Variants in PIAS4 observed in about 807,000 individuals in gnomAD.
PIAS4 encodes the protein E3 SUMO-protein ligase PIAS4.
PIAS4 carries 7 observed loss-of-function variants against 58.0 expected under a neutral mutation model. The observed-to-expected ratio is 0.12, with a 90% CI of 0.07 to 0.23. The LOEUF (loss-of-function observed/expected upper bound fraction) is 0.23, where lower values mean the gene tolerates loss of function less well. Ranked by LOEUF, PIAS4 falls within the 10% of genes least tolerant of loss-of-function variation. The probability of loss-of-function intolerance (pLI) is 1.00; values close to 1 mark genes in which losing one functional copy is unlikely to be tolerated. For synonymous variants in PIAS4, 364 were observed against 312.4 expected (o/e 1.17, Z -1.74); for missense variants, 550 against 709.5 (o/e 0.78, Z 2.55).
At chr19:4,011,707 T>A (rs1358551136) in intron 1 of PIAS4, among the ~76,000 whole-genome samples, 2,208 of 84,846 alleles carry the variant, frequency 0.026, 70 homozygotes, top group African/African-American at 0.054. Context: ...TGGAGGTGTG[T>A]GGGGTGTGGA....
At position 4,013,053 on chromosome 19, in the gene PIAS4, A is replaced by G. The variant is rs747350292; in HGVS notation, c.158A>G (p.Glu53Gly). Residue 53 changes from glutamate (E) to glycine (G), a missense_variant, in exon 2 of 11, where the codon GAG (glutamate) becomes GGG (glycine). Physicochemically the swap from Glu to Gly is moderately conservative, Grantham distance 98 (BLOSUM62 -2). Transcript: ENST00000262971. The surrounding 1 kb of genome is among the most constrained non-coding windows in gnomAD (Gnocchi z 5.1). ...LQLVQFDCSP[E>G]LFKKIKELYE... Reference sequence around the variant, plus strand: ...CTGGTGCAGTTTGACTGTAGCCCTGAGCTGTTCAAGAAGATCAAGGAGCTG... The same window carrying G: ...CTGGTGCAGTTTGACTGTAGCCCTGGGCTGTTCAAGAAGATCAAGGAGCTG... 7 of 1,613,462 alleles carry G rather than the reference A, an allele frequency of 4.3e-6. No individual in the cohort carries two copies. Among genetic ancestry groups the G allele is most frequent in the Non-Finnish European group, 5.9e-6 (7 of 1,179,960 alleles).
At position 4,037,807 on chromosome 19, in the gene PIAS4, G is replaced by A. The variant is rs772948956; in HGVS notation, c.1465G>A (p.Glu489Lys). Reference protein sequence around the residue: ...EEEEEEEEEDEDEEGPRPKRR... With the variant: ...EEEEEEEEEDKDEEGPRPKRR... The stretch of plus-strand genomic sequence containing the variant: ...GGAGGAGGAAGAGGAGGAGGAAGAC[G>A]AGGACGAAGAGGGGCCCCGGCCCAA... Residue 489 changes from glutamate to lysine, a missense_variant, in exon 11 of 11, where the codon GAG (glutamate) becomes AAG (lysine). Transcript: ENST00000262971. The surrounding 1 kb of genome is among the most constrained non-coding windows in gnomAD (Gnocchi z 5.8). The A allele has an allele frequency of 9.2e-5, 145 of 1,584,154 alleles. No homozygotes were observed. Among genetic ancestry groups the A allele is most frequent in the East Asian group, 2.3e-5 (1 of 43,666 alleles).
rs10540651 is a variant in PIAS4, at chr19:4,036,926, TCACA to T, written c.1143-439_1143-436del. Among the ~76,000 whole-genome samples the T allele has an allele frequency of 6.6e-3, 1,005 of 151,760 alleles. 13 individuals are homozygous for T. Among genetic ancestry groups the T allele is most frequent in the African/African-American group, 0.023 (942 of 41,498 alleles). ...TCCATTCACACGTGTGTACACATGC[TCACA>T]CACACACATTCATAGACTCCACACA... On this transcript the variant is annotated intron_variant, in intron 9 of 10. Coordinates refer to ENST00000262971, the MANE Select transcript of PIAS4 (RefSeq NM_015897.4).
At position 4,028,744 on chromosome 19, in the gene PIAS4, G is replaced by A. The variant is rs753106051; in HGVS notation, c.697G>A (p.Gly233Arg). 5 of 1,612,602 alleles carry A rather than the reference G, an allele frequency of 3.1e-6. No individual in the cohort carries two copies. The highest frequency in any genetic ancestry group is 1.3e-5 in the African/African-American group (1 of 74,988). ...GGGCTACTACCCCTCCAATAAGCCCGGGGTGGAGCCCAAGAGGCCGTGCCG... is the reference window on the plus strand; with the variant it reads ...GGGCTACTACCCCTCCAATAAGCCCAGGGTGGAGCCCAAGAGGCCGTGCCG... Reference protein sequence around the residue: ...VPGYYPSNKPGVEPKRPCRPI... With the variant: ...VPGYYPSNKPRVEPKRPCRPI... The change falls in exon 6 of 11, where the codon GGG becomes AGG. Residue 233 changes from glycine (G) to arginine (R), a missense_variant. This residue lies in a region of PIAS4 where 225 missense variants were observed against 345.8 expected (regional missense o/e 0.65). Coordinates refer to ENST00000262971, the MANE Select transcript of PIAS4 (RefSeq NM_015897.4).
At chr19:4,024,779 C>CT (rs2040145836) in intron 3 of PIAS4, among the ~76,000 whole-genome samples, 1 of 150,556 alleles carries the variant, frequency 6.6e-6, no homozygotes, top group Admixed American at 6.6e-5. Flanking sequence ...TTTTTTGAGA[C>CT]TGAGTGTAGC....
At chr19:4,031,855 A>C (rs2040225938) in intron 7 of PIAS4, among the ~76,000 whole-genome samples, 1 of 152,184 alleles carries the variant, frequency 6.6e-6, no homozygotes, top group Non-Finnish European at 1.5e-5. Context: ...AGTTTGCTTT[A>C]AAATCAGATG....
At chr19:4,027,547 C>T (rs939887128) in intron 3 of PIAS4, among the ~76,000 whole-genome samples, 2 of 151,198 alleles carry the variant, frequency 1.3e-5, no homozygotes, top group African/African-American at 2.4e-5. Context: ...TAAAGTTTAT[C>T]CTCAGGTGTT....
At chr19:4,018,667 C>T (rs1336202280) in intron 2 of PIAS4, 1 of 152,258 alleles carries the variant, frequency 6.6e-6, no homozygotes, top group Non-Finnish European at 1.5e-5. Context: ...GAACTTCATG[C>T]TTCAGTGGCC....
At chr19:4,017,278 C>T (rs968301464) in intron 2 of PIAS4, among the ~76,000 whole-genome samples, 1 of 152,180 alleles carries the variant, frequency 6.6e-6, no homozygotes, top group African/African-American at 2.4e-5. Flanking sequence ...TCCCGCTAGT[C>T]CTTCTCCCAT....
rs1463361972 is a variant in PIAS4, at chr19:4,036,679, T to TCACATGCACA, written c.1143-691_1143-690insTGCACACACA. Among the ~76,000 whole-genome samples the TCACATGCACA allele has an allele frequency of 1.1e-3, 151 of 134,622 alleles. 17 individuals are homozygous for TCACATGCACA. The highest frequency in any genetic ancestry group is 5.1e-3 in the African/African-American group (148 of 28,832). 88.3% of individuals were successfully genotyped at this position (134,622 alleles called of 152,430 possible). A position where few individuals can be genotyped will look rare whatever the true frequency, so the allele number is the denominator to read the frequency against. On this transcript the variant is annotated intron_variant, in intron 9 of 10. Coordinates refer to ENST00000262971, the MANE Select transcript of PIAS4 (RefSeq NM_015897.4). ...ACACACATCTATACAGTCCACACCG[T>TCACATGCACA]CACACATCCATATAGTCCACACCAT...
intron 1 of PIAS4, among the ~76,000 whole-genome samples, chr19:4,009,117 G>T (rs1467500624): frequency 1.3e-5 from 2 of 151,878 alleles, no homozygotes; most frequent in East Asian, 1.9e-4. Flanking sequence ...CACGGCTTCC[G>T]GGGAGGTTAG....
rs1364935195 is a variant in PIAS4, at chr19:4,037,382, C to G, written c.1151C>G (p.Ser384Trp). 3.7e-6 allele frequency: 6 copies of G among 1,605,230 alleles called. No homozygotes were observed. The highest frequency in any genetic ancestry group is 1.3e-5 in the African/African-American group (1 of 74,762). ...TGTCCGCCTCGCCCCAGGCTCCTCT[C>G]GAAGATCCTGAGCGAGTGTGAGGAC... ...YDQLIIDGLLSKILSECEDAD... is the reference protein window; with the variant it reads ...YDQLIIDGLLWKILSECEDAD... Residue 384 changes from serine (S) to tryptophan (W), a missense_variant, in exon 10 of 11, where the codon TCG (serine) becomes TGG (tryptophan). Ser to Trp is a radical substitution (Grantham distance 177). This residue lies in a region of PIAS4 where 188 missense variants were observed against 192.0 expected (regional missense o/e 0.98). Coordinates refer to ENST00000262971, the MANE Select transcript of PIAS4 (RefSeq NM_015897.4). This position sits in a 1 kb window ranked among gnomAD's most constrained non-coding sequence, Gnocchi z 5.8.
At chr19:4,036,131 C>CT (rs1568221972) in intron 9 of PIAS4, among the ~76,000 whole-genome samples, 2 of 94,100 alleles carry the variant, frequency 2.1e-5, no homozygotes. Flanking sequence ...CAGTCCACAC[C>CT]GTCACACATC....
chr19:4,033,597 G>C lies in PIAS4; in HGVS notation c.1142+17G>C, dbSNP rs761055344. On this transcript the variant is annotated intron_variant, in intron 9 of 10. Coordinates refer to ENST00000262971, the MANE Select transcript of PIAS4 (RefSeq NM_015897.4). ...CATCGACGGGTGAGCCCGGGGCCCCGGGGAGGGCGGCCGGAGCCGGACATC... is the reference window on the plus strand; with the variant it reads ...CATCGACGGGTGAGCCCGGGGCCCCCGGGAGGGCGGCCGGAGCCGGACATC... 2 of 1,582,882 alleles carry C rather than the reference G, an allele frequency of 1.3e-6. No homozygotes were observed. The highest frequency in any genetic ancestry group is 1.7e-6 in the Non-Finnish European group (2 of 1,165,418).
At chr19:4,015,916 C>G (rs978290912) in intron 2 of PIAS4, among the ~76,000 whole-genome samples, 3 of 152,248 alleles carry the variant, frequency 2.0e-5, no homozygotes, top group Admixed American at 1.3e-4. Context: ...GGTGACAGAG[C>G]CACAGAGCAG....
At chr19:4,035,380 A>C (rs2040264091) in intron 9 of PIAS4, among the ~76,000 whole-genome samples, 1 of 152,020 alleles carries the variant, frequency 6.6e-6, no homozygotes. Flanking sequence ...GCGGGTGGGG[A>C]GACTGAGGCC....
At chr19:4,020,358 A>G (rs757863550) in intron 2 of PIAS4, among the ~76,000 whole-genome samples, 19 of 152,180 alleles carry the variant, frequency 1.2e-4, no homozygotes, top group Non-Finnish European at 2.4e-4. Flanking sequence ...ACCTGGGAGC[A>G]CAGACATAGC....
chr19:4,019,654 T>C (rs2040088941), intron 2 of PIAS4, among the ~76,000 whole-genome samples: 1 of 152,220 alleles, frequency 6.6e-6, no homozygotes, highest in South Asian at 2.1e-4. Flanking sequence ...TGGGCGCGTC[T>C]GCAGGTGGCC....
At chr19:4,021,525 G>A (rs1343346102) in intron 2 of PIAS4, among the ~76,000 whole-genome samples, 1 of 152,064 alleles carries the variant, frequency 6.6e-6, no homozygotes. Flanking sequence ...GATATTTTGT[G>A]GAGGATTTTA....
Sources: allele counts gnomAD v4.1 joint callset (sites outside exome capture counted in the v4.1 genomes callset), GRCh38; gene constraint gnomAD v4.1.1; regional missense constraint gnomAD v4.1.1; non-coding constraint Gnocchi (gnomAD v3.1); transcripts MANE v1.5; gene names NCBI Gene and HGNC (gene_info 2026-07-23, HGNC 2026-07-21).